CXADR: variants seen among roughly 807,000 people sequenced by gnomAD.
The protein encoded by CXADR is coxsackievirus and adenovirus receptor.
Under a neutral mutation model 40.3 loss-of-function variants are expected in CXADR, and 20 were observed. The observed-to-expected ratio is 0.50, with a 90% CI of 0.35 to 0.72. The LOEUF (loss-of-function observed/expected upper bound fraction) is 0.72, where lower values mean the gene tolerates loss of function less well. CXADR is among the 30% of genes least tolerant of loss of function. CXADR has a pLI of 0.01. For missense variants in CXADR, 332 were observed against 449.1 expected, an observed-to-expected ratio of 0.74 and a Z score of 2.36; for synonymous variants, 150 against 161.3, an observed-to-expected ratio of 0.93 and a Z score of 0.53.
Position 17,518,821 on chromosome 21 carries a change from A to C in CXADR, c.43+5649A>C, listed in dbSNP as rs1333908477. 3 of 1,566,218 alleles carry C rather than the reference A, an allele frequency of 1.9e-6. No individual in the cohort carries two copies. In the African/African-American group the frequency reaches 4.1e-5, roughly 21 times the overall value. ...AATAACTGTCCCATCATCTTTAATC[A>C]TGTTCATCTCTTCAATACCAACTAT... is the stretch of plus-strand genomic sequence containing the variant. On this transcript the variant is annotated intron_variant, in intron 1 of 6. Transcript: ENST00000284878.
intron 7 of CXADR, among the ~76,000 whole-genome samples, chr21:17,585,283 A>G (rs2061386792): frequency 6.6e-6 from 1 of 152,206 alleles, no homozygotes; most frequent in Admixed American, 6.5e-5. Context: ...AGATTTGTTA[A>G]ATCAATTACA....
At chr21:17,554,380 A>C (rs562512696) in intron 3 of CXADR, among the ~76,000 whole-genome samples, 1 of 152,250 alleles carries the variant, frequency 6.6e-6, no homozygotes, top group South Asian at 2.1e-4. Context: ...TTAAACTTTG[A>C]ACCCCAGCAT....
chr21:17,599,117 A>T, the CXADR span: 12 of 289,038 alleles, frequency 4.2e-5, no homozygotes, highest in Non-Finnish European at 5.7e-5. Flanking sequence ...AAAAAAGTCC[A>T]TTGTTTTGAT....
intron 1 of CXADR, among the ~76,000 whole-genome samples, chr21:17,534,838 G>A (rs1206475507): frequency 1.5e-5 from 2 of 137,298 alleles, no homozygotes; most frequent in African/African-American, 5.5e-5. Flanking sequence ...AGGCTGGAGT[G>A]CAATGGTGCA....
Position 17,576,812 on chromosome 21 carries a change from TAGTG to T in CXADR, c.1017+11205_1017+11208del, listed in dbSNP as rs573371008. 21 of 152,316 alleles carry T rather than the reference TAGTG, an allele frequency of 1.4e-4. 1 individual carries two copies. In the South Asian group the frequency reaches 2.7e-3, roughly 20 times the overall value. The allele number at this position is 152,316 out of a possible 1,614,324, so 9.4% of individuals were successfully genotyped here. A position where few individuals can be genotyped will look rare whatever the true frequency, so the allele number is the denominator to read the frequency against. ...AAAGCAGAACCAGCAGTTCCAAAGA[TAGTG>T]AGTTATCTCCATTAAATGTTCACAG... On this transcript the variant is annotated intron_variant, in intron 7 of 7. Transcript: ENST00000400169.
chr21:17,541,284 G>A (rs1600985925), intron 1 of CXADR, among the ~76,000 whole-genome samples: 1 of 152,104 alleles, frequency 6.6e-6, no homozygotes, highest in African/African-American at 2.4e-5. Flanking sequence ...TGGGCGCGGT[G>A]GCTCACGCCT....
chr21:17,539,031 A>C (rs1158573115), intron 1 of CXADR, among the ~76,000 whole-genome samples: 1 of 151,716 alleles, frequency 6.6e-6, no homozygotes, highest in African/African-American at 2.4e-5. Flanking sequence ...GTGAACGTTG[A>C]TACCCTGCTG....
intron 7 of CXADR, among the ~76,000 whole-genome samples, chr21:17,578,381 A>G (rs1601052485): frequency 6.6e-6 from 1 of 152,362 alleles, no homozygotes; most frequent in East Asian, 1.9e-4. Flanking sequence ...GTATGGTGAA[A>G]TCACCAGGTA....
the CXADR span, among the ~76,000 whole-genome samples, chr21:17,623,734 A>G: frequency 6.6e-6 from 1 of 152,216 alleles, no homozygotes; most frequent in African/African-American, 2.4e-5. Context: ...CCTCTTTGTT[A>G]TCTCATTATG....
chr21:17,531,007 G>T (rs1056042635), intron 1 of CXADR, among the ~76,000 whole-genome samples: 3 of 151,774 alleles, frequency 2.0e-5, no homozygotes, highest in Admixed American at 1.3e-4. Flanking sequence ...GAGTATGAAA[G>T]TTCCAGTTGC....
chr21:17,579,143 TG>T (rs1569153558), intron 7 of CXADR, among the ~76,000 whole-genome samples: 1 of 152,114 alleles, frequency 6.6e-6, no homozygotes, highest in African/African-American at 2.4e-5. Flanking sequence ...ATGTAGGCTG[TG>T]GAAAGAGAGC....
downstream of CXADR, among the ~76,000 whole-genome samples, chr21:17,575,004 CAT>C (rs2061309733): frequency 8.3e-5 from 2 of 24,168 alleles, no homozygotes; most frequent in South Asian, 2.1e-3. Flanking sequence ...CACACACATA[CAT>C]ACATACATAC....
intron 1 of CXADR, among the ~76,000 whole-genome samples, chr21:17,541,430 A>G (rs1318704739): frequency 1.3e-5 from 2 of 151,894 alleles, no homozygotes; most frequent in South Asian, 2.1e-4. Context: ...GGTGGTGGGC[A>G]CCTGTAGTCC....
downstream of CXADR, among the ~76,000 whole-genome samples, chr21:17,572,895 A>G (rs769682246): frequency 1.2e-4 from 18 of 152,238 alleles, no homozygotes; most frequent in Non-Finnish European, 2.4e-4. Flanking sequence ...AAAGACCTGA[A>G]GAGTATTCCG....
intron 6 of CXADR, 102 bp from the exon 7 acceptor site, chr21:17,565,326 T>C: frequency 8.0e-7 from 1 of 1,243,890 alleles, no homozygotes; most frequent in South Asian, 1.5e-5. Context: ...TTTATATGTT[T>C]AGTACCTAAA....
intron 1 of CXADR, among the ~76,000 whole-genome samples, chr21:17,522,045 T>C (rs2060537114): frequency 1.3e-5 from 2 of 152,090 alleles, no homozygotes; most frequent in South Asian, 4.2e-4. Context: ...TGAGACAGTG[T>C]CTCTCTCTCT....
At position 17,550,133 on chromosome 21, in the gene CXADR, G is replaced by T. The variant is rs575849889; in HGVS notation, c.211-1616G>T. ...GCACTTTGGGAGGCCGAGGCAGGCG[G>T]ATCACAAGGTCAGGAGTTCGAGACC... On this transcript the variant is annotated intron_variant, in intron 2 of 6. Transcript: ENST00000284878. Among the ~76,000 whole-genome samples the T allele has an allele frequency of 1.3e-3, 196 of 152,220 alleles. 1 individual carries two copies. The highest frequency in any genetic ancestry group is 4.5e-3 in the African/African-American group (186 of 41,542).
chr21:17,526,955 A>G (rs1600955870), intron 1 of CXADR, among the ~76,000 whole-genome samples: 1 of 152,272 alleles, frequency 6.6e-6, no homozygotes, highest in South Asian at 2.1e-4. Context: ...CCTTATATGG[A>G]GTGATACATA....
chr21:17,600,706 T>C, the CXADR span, among the ~76,000 whole-genome samples: 1 of 151,336 alleles, frequency 6.6e-6, no homozygotes, highest in Non-Finnish European at 1.5e-5. Context: ...GAAAAGAAAA[T>C]GTATGTGGAA....
Sources: gnomAD v4.1 joint callset for allele counts (sites outside exome capture counted in the v4.1 genomes callset) on GRCh38, gnomAD v4.1.1 for gene constraint, MANE v1.5 for transcripts, NCBI Gene and HGNC (gene_info 2026-07-23, HGNC 2026-07-21) for gene names.